SOX5: variants seen among roughly 807,000 people sequenced by gnomAD.
SOX5 encodes the protein SRY-box transcription factor 5, also known as transcription factor SOX-5.
In SOX5, 9 loss-of-function variants were observed where a neutral mutation model predicts 92.0. The observed-to-expected ratio is 0.10, with a 90% CI of 0.06 to 0.17. SOX5 has a LOEUF of 0.17. SOX5 is among the 10% of genes least tolerant of loss of function. The pLI is 1.00. For synonymous variants in SOX5, 344 were observed against 336.3 expected (o/e 1.02, Z -0.25); for missense variants, 642 against 944.5 (o/e 0.68, Z 4.20).
intron 4 of SOX5, among the ~76,000 whole-genome samples, chr12:23,956,140 A>G (rs1049408425): frequency 6.6e-6 from 1 of 152,176 alleles, no homozygotes; most frequent in Non-Finnish European, 1.5e-5. Flanking sequence ...ACATTTGTCT[A>G]TTCTCCATAT....
chr12:24,126,882 T>G (rs1282460893), intron 4 of SOX5, among the ~76,000 whole-genome samples: 3 of 152,128 alleles, frequency 2.0e-5, no homozygotes, highest in Admixed American at 2.0e-4. Flanking sequence ...TATATGGAAC[T>G]CCTCCCTTTC....
intron 3 of SOX5, among the ~76,000 whole-genome samples, chr12:23,811,613 G>A (rs1351422845): frequency 6.6e-6 from 1 of 152,004 alleles, no homozygotes; most frequent in Non-Finnish European, 1.5e-5. Context: ...GAAAATATAT[G>A]TACATAAACT....
At chr12:24,504,949 G>T (rs1262913507) in intron 1 of SOX5, among the ~76,000 whole-genome samples, 1 of 152,156 alleles carries the variant, frequency 6.6e-6, no homozygotes, top group Non-Finnish European at 1.5e-5. Context: ...TCTATGTAAA[G>T]TATCACTACT....
chr12:24,209,258 A>G (rs935320124), intron 4 of SOX5, among the ~76,000 whole-genome samples: 2 of 152,204 alleles, frequency 1.3e-5, no homozygotes, highest in African/African-American at 4.8e-5. Context: ...TGTCTGTGGC[A>G]GAAAGTGACA....
At chr12:24,301,349 A>T (rs1565861308) in intron 2 of SOX5, among the ~76,000 whole-genome samples, 1 of 152,222 alleles carries the variant, frequency 6.6e-6, no homozygotes, top group Non-Finnish European at 1.5e-5. Context: ...GAAAGCATCA[A>T]TCTCAGTGGA....
chr12:23,872,390 C>T (rs916858885), intron 2 of SOX5, among the ~76,000 whole-genome samples: 20 of 151,848 alleles, frequency 1.3e-4, no homozygotes, highest in Non-Finnish European at 2.8e-4. Context: ...AACAATTCTA[C>T]GAGCTTTCAC....
At chr12:24,097,137 T>C (rs1483316584) in intron 4 of SOX5, among the ~76,000 whole-genome samples, 2 of 152,202 alleles carry the variant, frequency 1.3e-5, no homozygotes, top group African/African-American at 4.8e-5. Flanking sequence ...TTATGACTAA[T>C]GATATTGAGC....
At chr12:23,632,712 A>G (rs2078704536) in intron 8 of SOX5, among the ~76,000 whole-genome samples, 1 of 152,130 alleles carries the variant, frequency 6.6e-6, no homozygotes, top group South Asian at 2.1e-4. Flanking sequence ...AGCTTAAGCC[A>G]TTTCCAATAT....
intron 10 of SOX5, among the ~76,000 whole-genome samples, chr12:23,572,602 T>C (rs1948546874): frequency 6.6e-6 from 1 of 152,168 alleles, no homozygotes; most frequent in South Asian, 2.1e-4. Flanking sequence ...AATAAAAACA[T>C]ATTAGTTATT....
At chr12:23,901,491 ATCC>A (rs1426452747) in intron 1 of SOX5, among the ~76,000 whole-genome samples, 1 of 152,214 alleles carries the variant, frequency 6.6e-6, no homozygotes, top group African/African-American at 2.4e-5. Flanking sequence ...TCAGTCTGGA[ATCC>A]TCCTACCCTA....
intron 11 of SOX5, among the ~76,000 whole-genome samples, chr12:23,553,572 A>G (rs1944609049): frequency 6.6e-6 from 1 of 152,082 alleles, no homozygotes; most frequent in Non-Finnish European, 1.5e-5. Context: ...TGGGATTTTA[A>G]ATGTCTTTAT....
At chr12:24,222,819 T>C (rs1023761284) in intron 3 of SOX5, among the ~76,000 whole-genome samples, 3 of 152,200 alleles carry the variant, frequency 2.0e-5, no homozygotes, top group African/African-American at 4.8e-5. Context: ...CTGAATCTAA[T>C]TGTGGGATTT....
intron 4 of SOX5, among the ~76,000 whole-genome samples, chr12:24,141,787 T>G (rs1950609418): frequency 6.6e-6 from 1 of 152,168 alleles, no homozygotes. Context: ...GCAATTTAGG[T>G]TAAGTTAATA....
At chr12:24,120,341 T>C (rs2138309496) in intron 4 of SOX5, among the ~76,000 whole-genome samples, 1 of 152,314 alleles carries the variant, frequency 6.6e-6, no homozygotes, top group East Asian at 1.9e-4. Flanking sequence ...ACACATTTTG[T>C]TTAAAAAGCC....
chr12:24,172,543 A>AAAAAG (rs1262074808), intron 4 of SOX5, among the ~76,000 whole-genome samples: 1 of 152,160 alleles, frequency 6.6e-6, no homozygotes, highest in African/African-American at 2.4e-5. Flanking sequence ...TGTCTTAAGA[A>AAAAAG]AAAAGAAAAG....
intron 13 of SOX5, among the ~76,000 whole-genome samples, chr12:23,537,300 C>A (rs1386112978): frequency 6.6e-6 from 1 of 152,106 alleles, no homozygotes; most frequent in African/African-American, 2.4e-5. Context: ...CCTTTCACCT[C>A]AATCTTATAA....
intron 7 of SOX5, among the ~76,000 whole-genome samples, chr12:23,657,012 T>A (rs957773912): frequency 2.6e-5 from 4 of 152,070 alleles, no homozygotes; most frequent in African/African-American, 9.7e-5. Flanking sequence ...GAGACAGGTT[T>A]AAGAAATGTT....
chr12:23,974,339 A>T (rs1948680946), intron 4 of SOX5, among the ~76,000 whole-genome samples: 2 of 152,090 alleles, frequency 1.3e-5, no homozygotes, highest in South Asian at 4.1e-4. Flanking sequence ...GGGAGTGTTG[A>T]TATCTCTTTG....
chr12:23,668,553 T>G (rs1177983681), intron 6 of SOX5, among the ~76,000 whole-genome samples: 1 of 152,214 alleles, frequency 6.6e-6, no homozygotes, highest in Non-Finnish European at 1.5e-5. Flanking sequence ...TAGTAATTCA[T>G]TCTATATATT....
Sources: gnomAD v4.1 joint callset for allele counts (sites outside exome capture counted in the v4.1 genomes callset) on GRCh38, gnomAD v4.1.1 for gene constraint, MANE v1.5 for transcripts, NCBI Gene and HGNC (gene_info 2026-07-23, HGNC 2026-07-21) for gene names.